The following PID1 variants were observed in gnomAD, a reference collection of about 807,000 sequenced individuals.
PID1 encodes the protein phosphotyrosine interaction domain containing 1, also known as PTB-containing, cubilin and LRP1-interacting protein.
A neutral mutation model predicts 19.1 loss-of-function variants in PID1; 10 were observed. That is an observed-to-expected ratio of 0.52 (90% CI 0.32 to 0.89). The LOEUF (loss-of-function observed/expected upper bound fraction) is 0.89. PID1 is among the 40% of genes least tolerant of loss of function. The probability of loss-of-function intolerance (pLI) is 0.03; values close to 1 mark genes in which losing one functional copy is unlikely to be tolerated. For missense variants in PID1, 248 were observed against 285.3 expected, an observed-to-expected ratio of 0.87 and a Z score of 0.94; for synonymous variants, 130 against 116.0, an observed-to-expected ratio of 1.12 and a Z score of -0.78.
At chr2:229,235,748 G>A (rs1403252404) in intron 1 of PID1, among the ~76,000 whole-genome samples, 4 of 152,108 alleles carry the variant, frequency 2.6e-5, no homozygotes, top group East Asian at 1.9e-4. Context: ...AGAGATGAGA[G>A]ATTAAAATCA....
rs923919396 is a variant in PID1 at position 229,271,127 on chromosome 2, C to T, written c.-84G>A. 8 of 1,445,748 alleles carry T rather than the reference C, an allele frequency of 5.5e-6. No homozygotes were observed. Among genetic ancestry groups the T allele is most frequent in the East Asian group, 2.7e-5 (1 of 37,636 alleles). The allele number at this position is 1,445,748 out of a possible 1,614,324, so 89.6% of individuals were successfully genotyped here. A position where few individuals can be genotyped will look rare whatever the true frequency, so the allele number is the denominator to read the frequency against. On this transcript the variant is annotated 5_prime_UTR_variant, in exon 1 of 3. An upstream start codon of the reference 5' UTR is lost. Coordinates refer to ENST00000392055, the MANE Select transcript of PID1 (RefSeq NM_001100818.2). ...GGCGAGGGGCTGGGGTCCCGCTTTA[C>T]ATCTGGGGTCGGTGTCCGCGGGATG...
At chr2:229,204,279 T>C (rs143182069) in intron 1 of PID1, among the ~76,000 whole-genome samples, 5 of 152,184 alleles carry the variant, frequency 3.3e-5, no homozygotes, top group African/African-American at 1.2e-4. Context: ...AATGAGTACT[T>C]AGGAACATTA....
intron 1 of PID1, 109 bp downstream of exon 1, chr2:229,270,905 C>G: frequency 1.0e-6 from 1 of 971,774 alleles, no homozygotes; most frequent in East Asian, 3.1e-5. Context: ...ATGCGTCTTA[C>G]AAGATGGTTT....
intron 2 of PID1, among the ~76,000 whole-genome samples, chr2:229,090,116 C>T (rs1194357613): frequency 6.6e-6 from 1 of 152,098 alleles, no homozygotes; most frequent in Admixed American, 6.5e-5. Context: ...TCATATCTCC[C>T]TAAAATAAAG....
At chr2:229,036,774 A>G (rs539308380) in intron 2 of PID1, among the ~76,000 whole-genome samples, 1 of 152,256 alleles carries the variant, frequency 6.6e-6, no homozygotes, top group Admixed American at 6.5e-5. Flanking sequence ...ACAAAACAAA[A>G]AAACCCGAAA....
At chr2:229,266,616 T>G (rs1265591354) in intron 1 of PID1, among the ~76,000 whole-genome samples, 1 of 152,230 alleles carries the variant, frequency 6.6e-6, no homozygotes, top group Non-Finnish European at 1.5e-5. Flanking sequence ...TATGGTGAAG[T>G]GCTTAAGAAG....
Position 229,035,330 on chromosome 2 carries a change from T to C in PID1, c.178-9222A>G, listed in dbSNP as rs1409299224. Among the ~76,000 whole-genome samples, 3 of 152,144 alleles carry C rather than the reference T, an allele frequency of 2.0e-5. No homozygotes were observed. In the East Asian group the frequency reaches 5.8e-4, roughly 29 times the overall value. On this transcript the variant is annotated intron_variant, in intron 2 of 2. Transcript: ENST00000392055. ...ATTTCTGACTCAAGACTGCAACGTC[T>C]CTTCCCTGGATCTCCTGTCTGCCCA...
rs145334666 is a variant in PID1, at chr2:229,114,674, G to A, written c.177+41144C>T. Among the ~76,000 whole-genome samples, 1,419 of 152,100 alleles carry A rather than the reference G, an allele frequency of 9.3e-3. 87 individuals carry two copies. Among genetic ancestry groups the A allele is most frequent in the Admixed American group, 0.086 (1,318 of 15,280 alleles). Reference sequence around the variant, plus strand: ...CAGTTCACTTTATTATATCCTCTGTGCATCCTCTCCCACAACATTCTACCC... The same window carrying A: ...CAGTTCACTTTATTATATCCTCTGTACATCCTCTCCCACAACATTCTACCC... On this transcript the variant is annotated intron_variant, in intron 2 of 2. Coordinates refer to ENST00000392055, the MANE Select transcript of PID1 (RefSeq NM_001100818.2).
chr2:229,083,026 A>C (rs1484699279), intron 2 of PID1, among the ~76,000 whole-genome samples: 1 of 152,174 alleles, frequency 6.6e-6, no homozygotes, highest in Non-Finnish European at 1.5e-5. Flanking sequence ...TTCCATCCTA[A>C]TGTGATTTCA....
intron 1 of PID1, among the ~76,000 whole-genome samples, chr2:229,267,285 G>A (rs956449153): frequency 2.0e-5 from 3 of 152,208 alleles, no homozygotes; most frequent in East Asian, 1.9e-4. Flanking sequence ...TGGCCACAAC[G>A]AGGATGAAAA....
rs572949360 is a variant in PID1 at position 229,118,169 on chromosome 2, T to C, written c.177+37649A>G. ...CACAAAGAAAGTGATTTGTTCATTA[T>C]TTTTCTGCTTTCATTCTATTATACA... On this transcript the variant is annotated intron_variant, in intron 2 of 2. Coordinates refer to ENST00000392055, the MANE Select transcript of PID1 (RefSeq NM_001100818.2). Among the ~76,000 whole-genome samples the C allele has an allele frequency of 2.0e-5, 3 of 152,318 alleles. No homozygotes were observed. In the South Asian group the frequency reaches 6.2e-4, roughly 32 times the overall value.
chr2:229,139,093 A>AG (rs1689942205), intron 2 of PID1, among the ~76,000 whole-genome samples: 4 of 79,710 alleles, frequency 5.0e-5, no homozygotes, highest in African/African-American at 1.8e-4. Flanking sequence ...GAAAGAAAGA[A>AG]AGAAAGAAAG....
intron 1 of PID1, among the ~76,000 whole-genome samples, chr2:229,163,223 C>T (rs1051114817): frequency 2.1e-4 from 32 of 152,236 alleles, no homozygotes; most frequent in African/African-American, 7.7e-4. Context: ...ATTAAACCTT[C>T]TTCTTCAAGA....
intron 2 of PID1, among the ~76,000 whole-genome samples, chr2:229,119,534 A>C (rs374486914): frequency 2.0e-5 from 3 of 152,182 alleles, no homozygotes; most frequent in East Asian, 1.9e-4. Context: ...CTTGCCTCTT[A>C]AGGGAATGAT....
intron 2 of PID1, among the ~76,000 whole-genome samples, chr2:229,049,683 C>G (rs1395752955): frequency 6.6e-6 from 1 of 152,160 alleles, no homozygotes; most frequent in Non-Finnish European, 1.5e-5. Context: ...TTTCACAGCT[C>G]AGAAATCTAG....
intron 2 of PID1, among the ~76,000 whole-genome samples, chr2:229,083,844 C>T (rs577231790): frequency 6.6e-6 from 1 of 152,280 alleles, no homozygotes; most frequent in African/African-American, 2.4e-5. Flanking sequence ...GCCAACGCCA[C>T]AAGAGAGCTG....
At chr2:229,072,744 C>G (rs1574606201) in intron 2 of PID1, among the ~76,000 whole-genome samples, 1 of 152,116 alleles carries the variant, frequency 6.6e-6, no homozygotes, top group African/African-American at 2.4e-5. Context: ...GTTTTCAAAG[C>G]CAAGGTACTC....
At chr2:229,115,237 T>C (rs1179227878) in intron 2 of PID1, among the ~76,000 whole-genome samples, 1 of 151,892 alleles carries the variant, frequency 6.6e-6, no homozygotes, top group Non-Finnish European at 1.5e-5. Flanking sequence ...CCAGGCACTG[T>C]GGCTCAGACT....
intron 2 of PID1, among the ~76,000 whole-genome samples, chr2:229,139,049 GAAAGAA>G (rs1689934275): frequency 3.0e-5 from 2 of 65,740 alleles, no homozygotes; most frequent in African/African-American, 1.1e-4. Context: ...GAGAAAGAAA[GAAAGAA>G]AGAGAAAGAA....
Sources: allele counts gnomAD v4.1 joint callset (sites outside exome capture counted in the v4.1 genomes callset), GRCh38; gene constraint gnomAD v4.1.1; transcripts MANE v1.5; gene names NCBI Gene and HGNC (gene_info 2026-07-23, HGNC 2026-07-21).